PLPPR1: variants seen among roughly 807,000 people sequenced by gnomAD.
PLPPR1 encodes phospholipid phosphatase-related protein type 1.
PLPPR1 carries 10 observed loss-of-function variants against 33.1 expected under a neutral mutation model. The ratio of observed to expected loss-of-function variants is 0.30; its 90% confidence interval spans 0.19 to 0.51. PLPPR1 has a LOEUF of 0.51. Among genes scored for constraint, PLPPR1 ranks in the 20% least tolerant of loss-of-function variants. The probability of loss-of-function intolerance (pLI) is 0.97; values close to 1 mark genes in which losing one functional copy is unlikely to be tolerated. For missense variants in PLPPR1, 304 were observed against 408.1 expected, an observed-to-expected ratio of 0.74 and a Z score of 2.20; for synonymous variants, 151 against 151.0, an observed-to-expected ratio of 1.00 and a Z score of 0.00.
chr9:101,069,849 G>A (rs1218641012), intron 1 of PLPPR1, among the ~76,000 whole-genome samples: 2 of 152,102 alleles, frequency 1.3e-5, no homozygotes, highest in African/African-American at 2.4e-5. Context: ...ATGGCAGGCA[G>A]TGCTCAGCTA....
At chr9:101,282,427 C>T (rs533478258) in intron 3 of PLPPR1, among the ~76,000 whole-genome samples, 15 of 152,074 alleles carry the variant, frequency 9.9e-5, no homozygotes, top group African/African-American at 3.4e-4. Flanking sequence ...ACAATAGAGG[C>T]CATATGTGGT....
At chr9:101,316,022 G>A (rs74353550) in intron 6 of PLPPR1, among the ~76,000 whole-genome samples, 5,507 of 152,228 alleles carry the variant, frequency 0.036, 345 homozygotes, top group African/African-American at 0.12. Context: ...TTTTATAGAT[G>A]AGGAAAATGA....
chr9:101,084,079 G>A (rs559204349), intron 1 of PLPPR1, among the ~76,000 whole-genome samples: 3 of 152,268 alleles, frequency 2.0e-5, no homozygotes, highest in South Asian at 4.2e-4. Flanking sequence ...GCACACAAGG[G>A]GACTTTGACT....
At chr9:101,170,832 G>A (rs914036990) in intron 1 of PLPPR1, among the ~76,000 whole-genome samples, 5 of 152,138 alleles carry the variant, frequency 3.3e-5, no homozygotes, top group Admixed American at 2.0e-4. Context: ...CCCAGCTACT[G>A]GGGAGGCTGA....
intron 2 of PLPPR1, among the ~76,000 whole-genome samples, chr9:101,245,724 G>T (rs1588093226): frequency 1.3e-5 from 2 of 151,716 alleles, no homozygotes; most frequent in East Asian, 1.9e-4. Flanking sequence ...CTGATCTTTG[G>T]TTCCCTCATC....
At chr9:101,303,766 A>G (rs926746042) in intron 4 of PLPPR1, among the ~76,000 whole-genome samples, 5 of 152,116 alleles carry the variant, frequency 3.3e-5, no homozygotes, top group Non-Finnish European at 5.9e-5. Context: ...CTTTTTCACT[A>G]TTCTTTTCTT....
At chr9:101,253,674 G>C (rs938753679) in intron 2 of PLPPR1, among the ~76,000 whole-genome samples, 17 of 152,068 alleles carry the variant, frequency 1.1e-4, no homozygotes, top group African/African-American at 4.1e-4. Context: ...ATTATCAAAT[G>C]CCACCTTTTA....
At chr9:101,144,405 A>G (rs952467852) in intron 1 of PLPPR1, among the ~76,000 whole-genome samples, 1 of 152,162 alleles carries the variant, frequency 6.6e-6, no homozygotes, top group Non-Finnish European at 1.5e-5. Flanking sequence ...TAGAACTTAA[A>G]GTATAATAAT....
intron 1 of PLPPR1, among the ~76,000 whole-genome samples, chr9:101,101,935 G>A (rs889481800): frequency 6.6e-6 from 1 of 152,034 alleles, no homozygotes; most frequent in African/African-American, 2.4e-5. Context: ...AAATACAAGT[G>A]CAGTACTATT....
At chr9:101,161,680 T>C (rs2118672262) in intron 1 of PLPPR1, among the ~76,000 whole-genome samples, 1 of 152,208 alleles carries the variant, frequency 6.6e-6, no homozygotes, top group African/African-American at 2.4e-5. Context: ...ATCTTTTTAT[T>C]AAAATAAAGA....
intron 1 of PLPPR1, among the ~76,000 whole-genome samples, chr9:101,110,362 A>C (rs1831040639): frequency 1.3e-5 from 2 of 152,228 alleles, no homozygotes; most frequent in Non-Finnish European, 2.9e-5. Context: ...GGATAATAAA[A>C]ATGTAAATAA....
intron 2 of PLPPR1, among the ~76,000 whole-genome samples, chr9:101,212,214 C>A (rs141759710): frequency 0.011 from 1,721 of 152,148 alleles, 32 homozygotes; most frequent in African/African-American, 0.037. Flanking sequence ...TCCCTAGTAG[C>A]TGGGATTACA....
intron 1 of PLPPR1, among the ~76,000 whole-genome samples, chr9:101,098,268 C>G (rs2993804): frequency 0.7 from 106,608 of 151,940 alleles, 37,540 homozygotes; most frequent in East Asian, 0.89. Context: ...AATTCAATAG[C>G]ACTCGTGGAC....
chr9:101,113,897 C>T (rs1831088467), intron 1 of PLPPR1, among the ~76,000 whole-genome samples: 1 of 151,994 alleles, frequency 6.6e-6, no homozygotes, highest in Non-Finnish European at 1.5e-5. Flanking sequence ...TGAAGGCAAA[C>T]TTGGAAAGGT....
intron 1 of PLPPR1, among the ~76,000 whole-genome samples, chr9:101,137,590 C>G (rs1311373596): frequency 3.9e-5 from 6 of 152,090 alleles, no homozygotes. Flanking sequence ...CTTTCATTTG[C>G]CTCCTTAGTT....
chr9:101,086,362 C>T (rs57052979), intron 1 of PLPPR1, among the ~76,000 whole-genome samples: 1 of 152,118 alleles, frequency 6.6e-6, no homozygotes, highest in South Asian at 2.1e-4. Context: ...GCCAATCTGT[C>T]AGGGAGCTCT....
At chr9:101,220,682 A>G (rs1428598381) in intron 2 of PLPPR1, among the ~76,000 whole-genome samples, 2 of 152,188 alleles carry the variant, frequency 1.3e-5, no homozygotes, top group Non-Finnish European at 2.9e-5. Context: ...CCATCCAAAA[A>G]GAAGGCACAC....
chr9:101,231,269 G>T (rs1328806058), intron 2 of PLPPR1, among the ~76,000 whole-genome samples: 2 of 121,094 alleles, frequency 1.7e-5, no homozygotes, highest in Non-Finnish European at 3.3e-5. Context: ...ACAGAAAATG[G>T]TGCCCCAATT....
At chr9:101,205,980 A>G (rs1189248224) in intron 2 of PLPPR1, among the ~76,000 whole-genome samples, 2 of 152,164 alleles carry the variant, frequency 1.3e-5, no homozygotes, top group African/African-American at 4.8e-5. Context: ...GAGACTGTCA[A>G]CTGATGGTGG....
Sources: allele counts gnomAD v4.1 joint callset (sites outside exome capture counted in the v4.1 genomes callset), GRCh38; gene constraint gnomAD v4.1.1; transcripts MANE v1.5; gene names NCBI Gene and HGNC (gene_info 2026-07-23, HGNC 2026-07-21).